M1AP: variants seen among roughly 807,000 people sequenced by gnomAD.
M1AP encodes the protein meiosis 1 associated protein.
In M1AP, 39 loss-of-function variants were observed where a neutral mutation model predicts 51.2. The ratio of observed to expected loss-of-function variants is 0.76; its 90% CI spans 0.59 to 1.00. The LOEUF (loss-of-function observed/expected upper bound fraction) is 1.00. Ranked by LOEUF, M1AP falls within the 50% of genes least tolerant of loss-of-function variation. The probability of loss-of-function intolerance (pLI) is 0.00; values close to 1 mark genes in which losing one functional copy is unlikely to be tolerated. For synonymous variants in M1AP, 251 were observed against 249.2 expected (o/e 1.01, Z -0.07); for missense variants, 545 against 641.2 (o/e 0.85, Z 1.62).
rs1216797176 is a variant in M1AP at position 74,574,222 on chromosome 2, T to G, written c.1074+1216A>C. ...CCTTGCATTCTATTTGCAGTTGTTTTAATTTTGCTAAGTGTTGTGTTAGTT... is the reference window on the plus strand; with the variant it reads ...CCTTGCATTCTATTTGCAGTTGTTTGAATTTTGCTAAGTGTTGTGTTAGTT... On this transcript the variant is annotated intron_variant, in intron 7 of 10. Transcript: ENST00000421985. 3.3e-5 allele frequency among the ~76,000 whole-genome samples: 5 copies of G among 152,258 alleles called. No homozygotes were observed. The South Asian group carries it at 8.3e-4, about 25-fold the overall frequency.
chr2:74,639,951 G>C, intron 2 of M1AP, 85 bp downstream of exon 2: 1 of 1,184,194 alleles, frequency 8.4e-7, no homozygotes, highest in African/African-American at 1.5e-5. Context: ...ATTGTTATAA[G>C]TATTAATAAC....
intron 4 of M1AP, 126 bp from the exon 5 acceptor site, chr2:74,581,973 A>G: frequency 1.3e-6 from 1 of 793,826 alleles, no homozygotes; most frequent in Non-Finnish European, 2.0e-6. Context: ...GCTAAAGTAC[A>G]GTGGCTATTC....
intron 2 of M1AP, among the ~76,000 whole-genome samples, chr2:74,617,736 C>T (rs1326217057): frequency 6.6e-6 from 1 of 152,148 alleles, no homozygotes; most frequent in Non-Finnish European, 1.5e-5. Context: ...AGCAATTATT[C>T]CATTTTGTGC....
chr2:74,616,694 A>G (rs1230536226), intron 2 of M1AP, among the ~76,000 whole-genome samples: 1 of 152,240 alleles, frequency 6.6e-6, no homozygotes, highest in Non-Finnish European at 1.5e-5. Flanking sequence ...TTGAGTTATT[A>G]TTAGAATTAT....
chr2:74,620,092 C>T (rs1412451257), intron 2 of M1AP, among the ~76,000 whole-genome samples: 1 of 152,204 alleles, frequency 6.6e-6, no homozygotes, highest in African/African-American at 2.4e-5. Context: ...ACTTTCACTT[C>T]CTTGTTCAGT....
chr2:74,637,553 T>C (rs1332221339), intron 2 of M1AP, among the ~76,000 whole-genome samples: 1 of 152,234 alleles, frequency 6.6e-6, no homozygotes, highest in Non-Finnish European at 1.5e-5. Context: ...TAAATATTCT[T>C]GAGCTTTGTT....
At chr2:74,583,199 G>A (rs2104596308) in intron 4 of M1AP, among the ~76,000 whole-genome samples, 1 of 152,126 alleles carries the variant, frequency 6.6e-6, no homozygotes, top group East Asian at 1.9e-4. Context: ...TTATTTTACA[G>A]TGAAAATGTG....
intron 5 of M1AP, 107 bp from the exon 6 acceptor site, chr2:74,576,725 T>C (rs1282108173): frequency 1.5e-6 from 2 of 1,335,164 alleles, no homozygotes; most frequent in Non-Finnish European, 2.1e-6. Flanking sequence ...CTGCTACCCA[T>C]TCCATCTCTA....
chr2:74,634,074 C>T (rs1002791443), intron 2 of M1AP, among the ~76,000 whole-genome samples: 2 of 152,102 alleles, frequency 1.3e-5, no homozygotes, highest in Non-Finnish European at 2.9e-5. Flanking sequence ...ACATTGAATA[C>T]ACACATCAAT....
chr2:74,641,505 A>G (rs572414950), intron 1 of M1AP, among the ~76,000 whole-genome samples: 10 of 152,372 alleles, frequency 6.6e-5, no homozygotes, highest in African/African-American at 2.4e-4. Context: ...CCAATACTAA[A>G]GAAATTTTAG....
intron 4 of M1AP, among the ~76,000 whole-genome samples, chr2:74,590,386 C>T (rs954060838): frequency 6.6e-6 from 1 of 151,686 alleles, no homozygotes; most frequent in African/African-American, 2.4e-5. Context: ...ATTCAAAGGC[C>T]CCACCTCCTA....
At chr2:74,643,590 CTTTT>C (rs1161305967) in intron 1 of M1AP, among the ~76,000 whole-genome samples, 7 of 130,064 alleles carry the variant, frequency 5.4e-5, no homozygotes, top group Admixed American at 7.8e-5. Flanking sequence ...TGGTAATGTT[CTTTT>C]TTTTTTTTTT....
At chr2:74,623,333 G>A (rs1022787711) in intron 2 of M1AP, among the ~76,000 whole-genome samples, 12 of 151,914 alleles carry the variant, frequency 7.9e-5, no homozygotes, top group African/African-American at 1.7e-4. Flanking sequence ...GTGAAACCCC[G>A]TCTCTAAAAA....
intron 2 of M1AP, chr2:74,629,074 T>C (rs1233239796): frequency 6.3e-6 from 1 of 159,142 alleles, no homozygotes; most frequent in Non-Finnish European, 1.4e-5. Flanking sequence ...TGCTAAAGAA[T>C]AGCTATCTGT....
chr2:74,631,073 T>G (rs933922895), intron 2 of M1AP, among the ~76,000 whole-genome samples: 21 of 152,330 alleles, frequency 1.4e-4, no homozygotes, highest in African/African-American at 5.1e-4. Context: ...TTTTCAACCT[T>G]TCTGAATCAT....
chr2:74,647,541 T>G (rs1199581816), intron 1 of M1AP: 1 of 319,202 alleles, frequency 3.1e-6, no homozygotes, highest in African/African-American at 2.3e-5. Flanking sequence ...CCCCTCCTGA[T>G]GTGAGAAAAA....
chr2:74,637,023 T>A (rs1268401862), intron 2 of M1AP, among the ~76,000 whole-genome samples: 2 of 152,222 alleles, frequency 1.3e-5, no homozygotes, highest in African/African-American at 4.8e-5. Context: ...GGCCATTTTT[T>A]AAAAGTATTT....
chr2:74,608,134 C>T (rs1681126419), intron 3 of M1AP, among the ~76,000 whole-genome samples: 1 of 152,134 alleles, frequency 6.6e-6, no homozygotes, highest in Non-Finnish European at 1.5e-5. Flanking sequence ...TGGTGTAGTA[C>T]ATTCTATGAG....
intron 9 of M1AP, 132 bp downstream of exon 9, chr2:74,560,019 G>A (rs372127813): frequency 2.0e-6 from 2 of 998,832 alleles, no homozygotes; most frequent in Admixed American, 2.4e-5. Context: ...TCCACCAGGG[G>A]TGGATCCTGG....
Sources: gnomAD v4.1 joint callset for allele counts (sites outside exome capture counted in the v4.1 genomes callset) on GRCh38, gnomAD v4.1.1 for gene constraint, MANE v1.5 for transcripts, NCBI Gene and HGNC (gene_info 2026-07-23, HGNC 2026-07-21) for gene names.